The following HDGFL3 variants were observed in gnomAD, a reference collection of about 807,000 sequenced individuals.
The protein encoded by HDGFL3 is HDGF like 3.
In HDGFL3, 6 loss-of-function variants were observed where a neutral mutation model predicts 27.6. The observed-to-expected ratio is 0.22, with a 90% CI of 0.12 to 0.43. The LOEUF is 0.43. Ranked by LOEUF, HDGFL3 falls within the 20% of genes least tolerant of loss-of-function variation. The pLI is 1.00. For missense variants in HDGFL3, 207 were observed against 250.1 expected (o/e 0.83, Z 1.16); for synonymous variants, 88 against 88.9 (o/e 0.99, Z 0.05).
chr15:83,132,057 G>C lies in HDGFL3; in HGVS notation c.*7213C>G, dbSNP rs1472522628. The stretch of plus-strand genomic sequence containing the variant: ...TGTTGCTGATGAGCACAATGACCTT[G>C]GCTACTTTACCTCTCTGATCCTCAG... On this transcript the variant is annotated 3_prime_UTR_variant, in exon 6 of 6. Transcript: ENST00000299633. 2 of 152,164 alleles carry C rather than the reference G, an allele frequency of 1.3e-5. No homozygotes were observed. The highest frequency in any genetic ancestry group is 2.9e-5 in the Non-Finnish European group (2 of 68,050). The allele number at this position is 152,164 out of a possible 1,614,324, so 9.4% of individuals were successfully genotyped here. A position where few individuals can be genotyped will look rare whatever the true frequency, so the allele number is the denominator to read the frequency against.
chr15:83,155,142 G>A (rs1727919757), intron 4 of HDGFL3, among the ~76,000 whole-genome samples: 1 of 152,186 alleles, frequency 6.6e-6, no homozygotes, highest in Non-Finnish European at 1.5e-5. Flanking sequence ...TGGGATTATA[G>A]GTATGAGCCA....
chr15:83,119,417 A>G (rs921942713), intron 3 of HDGFL3, among the ~76,000 whole-genome samples: 1 of 152,202 alleles, frequency 6.6e-6, no homozygotes, highest in Non-Finnish European at 1.5e-5. Flanking sequence ...CTCCAGCGTA[A>G]AGTTGTATTT....
At position 83,207,706 on chromosome 15, in the gene HDGFL3, G is replaced by GC; in HGVS notation, c.-293dup. Reference sequence around the variant, plus strand: ...CCCCGCCGCCGCCGCCGCCGCCGCCGCGCGCGCTGCTCACCAGCGCCGCGT... The same window carrying GC: ...CCCCGCCGCCGCCGCCGCCGCCGCCGCCGCGCGCTGCTCACCAGCGCCGCGT... On this transcript the variant is annotated 5_prime_UTR_variant, in exon 1 of 6. Transcript: ENST00000299633. This position sits in a 1 kb window ranked among gnomAD's most constrained non-coding sequence, Gnocchi z 4.8. The GC allele has an allele frequency of 1.3e-5, 2 of 151,922 alleles. No homozygotes were observed. The highest frequency in any genetic ancestry group is 2.8e-5 in the Non-Finnish European group (2 of 70,718). The allele number at this position is 151,922 out of a possible 1,614,324, so 9.4% of individuals were successfully genotyped here.
intron 5 of HDGFL3, among the ~76,000 whole-genome samples, chr15:83,150,449 A>AC (rs1263339096): frequency 6.6e-6 from 1 of 152,208 alleles, no homozygotes; most frequent in Admixed American, 6.5e-5. Flanking sequence ...AATCAGAATC[A>AC]TAATACTTTG....
chr15:83,196,719 T>G (rs978456103), intron 1 of HDGFL3, among the ~76,000 whole-genome samples: 16 of 152,020 alleles, frequency 1.1e-4, no homozygotes, highest in African/African-American at 3.6e-4. Flanking sequence ...ATTAATGATT[T>G]AGAGAAAAAA....
At chr15:83,151,142 G>A in intron 5 of HDGFL3, 73 bp downstream of exon 5, 7 of 1,368,986 alleles carry the variant, frequency 5.1e-6, no homozygotes, top group Non-Finnish European at 7.1e-6. Flanking sequence ...TACTAATGCT[G>A]ACATATGGAT....
In HDGFL3 at chr15:83,128,329, GT is replaced by G. The variant is rs1214201825; in HGVS notation, c.*10940del. 6.6e-6 allele frequency: 1 copy of G among 152,146 alleles called. No homozygotes were observed. Among genetic ancestry groups the G allele is most frequent in the African/African-American group, 2.4e-5 (1 of 41,422 alleles). 9.4% of individuals were successfully genotyped at this position (152,146 alleles called of 1,614,324 possible). A position where few individuals can be genotyped will look rare whatever the true frequency, so the allele number is the denominator to read the frequency against. On this transcript the variant is annotated 3_prime_UTR_variant, in exon 6 of 6. Coordinates refer to ENST00000299633, the MANE Select transcript of HDGFL3 (RefSeq NM_016073.4). ...GGGGTCAATGCATTAAATCCTTTCA[GT>G]TTGAGGTAATTCTTAATTATAAAAT...
intron 1 of HDGFL3, among the ~76,000 whole-genome samples, chr15:83,178,799 T>C (rs2037345403): frequency 6.6e-6 from 1 of 152,256 alleles, no homozygotes; most frequent in South Asian, 2.1e-4. Flanking sequence ...CTCAGATGTC[T>C]ATGCTCCTAC....
At chr15:83,171,963 C>T (rs1341848741) in intron 1 of HDGFL3, among the ~76,000 whole-genome samples, 1 of 152,148 alleles carries the variant, frequency 6.6e-6, no homozygotes, top group Non-Finnish European at 1.5e-5. Context: ...TTCTCCTCAT[C>T]CATGGCAATT....
chr15:83,154,320 A>G (rs1483947302), intron 4 of HDGFL3, among the ~76,000 whole-genome samples: 1 of 151,090 alleles, frequency 6.6e-6, no homozygotes, highest in Non-Finnish European at 1.5e-5. Context: ...TGGGTGACAG[A>G]GCAAGACCCT....
chr15:83,160,556 A>G (rs564774224), intron 2 of HDGFL3, among the ~76,000 whole-genome samples: 1 of 136,778 alleles, frequency 7.3e-6, no homozygotes, highest in Non-Finnish European at 1.6e-5. Flanking sequence ...TTGGGGGGGG[A>G]ACAATATTTG....
chr15:83,158,187 C>T (rs1050873511), intron 2 of HDGFL3, 146 bp from the exon 3 acceptor site: 6 of 642,818 alleles, frequency 9.3e-6, no homozygotes, highest in African/African-American at 5.6e-5. Flanking sequence ...GCACATATTA[C>T]GAGGTGTTTC....
At chr15:83,112,762 T>G in exon 4 of HDGFL3, 1 of 1,475,872 alleles carries the variant, frequency 6.8e-7, no homozygotes, top group South Asian at 1.1e-5. Flanking sequence ...GTGTTTATTT[T>G]GATAGTGACC....
rs1225170910 is a variant in HDGFL3 at position 83,135,062 on chromosome 15, A to G, written c.*4208T>C. On this transcript the variant is annotated 3_prime_UTR_variant, in exon 6 of 6. Coordinates refer to ENST00000299633, the MANE Select transcript of HDGFL3 (RefSeq NM_016073.4). ...TCCTCTCAGTGCCTCATGGATCACA[A>G]TGTAGACAATCCACGTGCTGGTCCT... 6.6e-6 allele frequency: 1 copy of G among 152,210 alleles called. No individual in the cohort carries two copies. The highest frequency in any genetic ancestry group is 1.5e-5 in the Non-Finnish European group (1 of 68,042). The allele number at this position is 152,210 out of a possible 1,614,324, so 9.4% of individuals were successfully genotyped here.
At position 83,136,457 on chromosome 15, in the gene HDGFL3, AT is replaced by A. The variant is rs752989537; in HGVS notation, c.*2812del. ...ACTGAACACGTTTCATGCTTACTCAATTTTTTTTTTTTAAATGCAACAGGCT... is the reference window on the plus strand; with the variant it reads ...ACTGAACACGTTTCATGCTTACTCAATTTTTTTTTTTAAATGCAACAGGCT... On this transcript the variant is annotated 3_prime_UTR_variant, in exon 6 of 6. Transcript: ENST00000299633. 93,159 of 848,534 alleles carry A rather than the reference AT, an allele frequency of 0.11. No homozygotes were observed. Among genetic ancestry groups the A allele is most frequent in the South Asian group, 0.15 (7,019 of 47,410 alleles). 52.6% of individuals were successfully genotyped at this position (848,534 alleles called of 1,614,324 possible). A position where few individuals can be genotyped will look rare whatever the true frequency, so the allele number is the denominator to read the frequency against.
At chr15:83,140,480 A>ACTTTTTTTT (rs772081760) in intron 5 of HDGFL3, among the ~76,000 whole-genome samples, 1 of 111,012 alleles carries the variant, frequency 9.0e-6, no homozygotes. Context: ...AACCAAAGAA[A>ACTTTTTTTT]GTTTTTTTTT....
chr15:83,197,174 C>T (rs1379283454), intron 1 of HDGFL3, among the ~76,000 whole-genome samples: 1 of 152,210 alleles, frequency 6.6e-6, no homozygotes, highest in Non-Finnish European at 1.5e-5. Flanking sequence ...TCACACATAG[C>T]ATAAGATAGG....
intron 3 of HDGFL3, chr15:83,120,129 C>T (rs554736111): frequency 6.4e-5 from 11 of 171,426 alleles, no homozygotes; most frequent in South Asian, 4.2e-4. Flanking sequence ...TCTCACTCTG[C>T]GGCTGGCCCC....
chr15:83,158,674 C>T (rs1301352621), intron 2 of HDGFL3, among the ~76,000 whole-genome samples: 1 of 152,278 alleles, frequency 6.6e-6, no homozygotes, highest in South Asian at 2.1e-4. Flanking sequence ...ATTTGCACTA[C>T]CTTCCCACTA....
Sources: allele counts gnomAD v4.1 joint callset (sites outside exome capture counted in the v4.1 genomes callset), GRCh38; gene constraint gnomAD v4.1.1; non-coding constraint Gnocchi (gnomAD v3.1); transcripts MANE v1.5; gene names NCBI Gene and HGNC (gene_info 2026-07-23, HGNC 2026-07-21).